The following ZNF507 variants were observed in gnomAD, a reference collection of about 807,000 sequenced individuals.
ZNF507 encodes zinc finger protein 507.
Under a neutral mutation model 80.0 loss-of-function variants are expected in ZNF507, and 29 were observed. That is an observed-to-expected ratio of 0.36 (90% CI 0.27 to 0.49). The LOEUF (loss-of-function observed/expected upper bound fraction) is 0.49. ZNF507 is among the 20% of genes least tolerant of loss of function. ZNF507 has a pLI of 0.98. For missense variants in ZNF507, 1,081 were observed against 1,152.2 expected, an observed-to-expected ratio of 0.94 and a Z score of 0.90; for synonymous variants, 462 against 422.5, an observed-to-expected ratio of 1.09 and a Z score of -1.15.
Position 32,356,688 on chromosome 19 carries a change from C to T in ZNF507, c.2200C>T (p.Pro734Ser). ...CTTGTCAATAGCAACTTCTAATGAGCCAAGAATTTCCAGTGATACAGCTGA... is the reference window on the plus strand; with the variant it reads ...CTTGTCAATAGCAACTTCTAATGAGTCAAGAATTTCCAGTGATACAGCTGA... ...DTLSIATSNE[P>S]RISSDTADGK... is the part of the protein sequence containing the mutation. The change falls in exon 4 of 7, where the codon CCA becomes TCA. Residue 734 changes from proline (P) to serine (S), a missense_variant. Transcript: ENST00000355898. 5 of 1,614,090 alleles carry T rather than the reference C, an allele frequency of 3.1e-6. No homozygotes were observed. Among genetic ancestry groups the T allele is most frequent in the Non-Finnish European group, 4.2e-6 (5 of 1,179,994 alleles).
chr19:32,382,272 T>G, intron 5 of ZNF507, 195 bp from the exon 6 acceptor site: 1 of 547,170 alleles, frequency 1.8e-6, no homozygotes, highest in Non-Finnish European at 3.1e-6. Context: ...CTTTCATTGA[T>G]TCTAGGACTT....
At chr19:32,382,100 C>A in intron 5 of ZNF507, 1 of 166,584 alleles carries the variant, frequency 6.0e-6, no homozygotes, top group Non-Finnish European at 1.3e-5. Flanking sequence ...TAGAGTGGTA[C>A]AAAGTATTAA....
chr19:32,358,768 C>T (rs1341930069), intron 4 of ZNF507: 2 of 152,202 alleles, frequency 1.3e-5, no homozygotes, highest in Non-Finnish European at 2.9e-5. Flanking sequence ...TTTACCCAGA[C>T]ATGCAGGTAA....
In ZNF507 at chr19:32,382,747, A is replaced by G. The variant is rs369511767; in HGVS notation, c.2526A>G (p.Gln842=). ...TGGGGAAATCCCCTGGAAAGACTCAATTAAAGAGCAGTGAAGAGAGTGCAG... is the reference window on the plus strand; with the variant it reads ...TGGGGAAATCCCCTGGAAAGACTCAGTTAAAGAGCAGTGAAGAGAGTGCAG... ...RVLGKSPGKT[Q]LKSSEESADP... is the part of the protein sequence containing the mutation. Residue 842 remains glutamine (Q), a synonymous_variant, in exon 7 of 7, where the codon CAA becomes CAG. Coordinates refer to ENST00000355898, the MANE Select transcript of ZNF507 (RefSeq NM_001136156.2). 24 of 1,613,534 alleles carry G rather than the reference A, an allele frequency of 1.5e-5. No homozygotes were observed. The African/African-American group carries it at 2.7e-4, about 18-fold the overall frequency.
intron 2 of ZNF507, among the ~76,000 whole-genome samples, chr19:32,348,339 C>T (rs1967121755): frequency 6.6e-6 from 1 of 151,054 alleles, no homozygotes; most frequent in African/African-American, 2.4e-5. Flanking sequence ...AAAACAAATT[C>T]TTGTTCTGAA....
At chr19:32,355,269 T>C (rs1176444021) in intron 3 of ZNF507, among the ~76,000 whole-genome samples, 1 of 152,024 alleles carries the variant, frequency 6.6e-6, no homozygotes. Flanking sequence ...GACATACGTT[T>C]GACTTAACGT....
chr19:32,373,102 A>G (rs1967496120), intron 5 of ZNF507, among the ~76,000 whole-genome samples: 1 of 152,204 alleles, frequency 6.6e-6, no homozygotes, highest in Non-Finnish European at 1.5e-5. Flanking sequence ...AACCTCTTTT[A>G]TAAGGGCATT....
At chr19:32,381,005 C>T (rs552264063) in intron 5 of ZNF507, among the ~76,000 whole-genome samples, 69 of 152,222 alleles carry the variant, frequency 4.5e-4, no homozygotes, top group African/African-American at 1.6e-3. Context: ...CTGGAAGCAA[C>T]CAAGATATTG....
chr19:32,360,383 A>G, intron 4 of ZNF507, 121 bp from the exon 5 acceptor site: 1 of 498,136 alleles, frequency 2.0e-6, no homozygotes, highest in Non-Finnish European at 3.4e-6. Context: ...ACAGTGAGAA[A>G]GCCGTGATTG....
rs1967224320 is a variant in ZNF507 at position 32,354,655 on chromosome 19, A to G, written c.1825A>G (p.Lys609Glu). The G allele has an allele frequency of 1.2e-6, 2 of 1,614,180 alleles. No individual in the cohort carries two copies. The highest frequency in any genetic ancestry group is 4.5e-5 in the East Asian group (2 of 44,874). ...DQNASDDDIL[K>E]ELQDNAQCQP... ...AAACGCTTCAGACGATGACATTTTG[A>G]AAGAGTTGCAGGACAACGCCCAGTG... The change falls in exon 3 of 7, where the codon AAA becomes GAA. Residue 609 changes from lysine (K) to glutamate (E), a missense_variant. Transcript: ENST00000355898.
chr19:32,377,382 C>T (rs553100062), intron 5 of ZNF507, among the ~76,000 whole-genome samples: 7 of 152,094 alleles, frequency 4.6e-5, no homozygotes, highest in South Asian at 4.1e-4. Context: ...GTGTCCCTTC[C>T]GCTCCTATCT....
At position 32,353,700 on chromosome 19, in the gene ZNF507, G is replaced by A; in HGVS notation, c.870G>A (p.Leu290=). Residue 290 remains leucine (L), a synonymous_variant, in exon 3 of 7, where the codon CTG becomes CTA. Coordinates refer to ENST00000355898, the MANE Select transcript of ZNF507 (RefSeq NM_001136156.2). ...AAAATGAAAATGAACCCCTAGGCCTGCTGGATTCTTCAGCAGCTGCTGCGC... is the reference window on the plus strand; with the variant it reads ...AAAATGAAAATGAACCCCTAGGCCTACTGGATTCTTCAGCAGCTGCTGCGC... ...IFENENEPLG[L]LDSSAAAAPG... The A allele has an allele frequency of 6.2e-7, 1 of 1,614,208 alleles. No homozygotes were observed. Among genetic ancestry groups the A allele is most frequent in the Non-Finnish European group, 8.5e-7 (1 of 1,180,048 alleles).
intron 5 of ZNF507, among the ~76,000 whole-genome samples, chr19:32,376,976 C>G (rs999670127): frequency 4.6e-5 from 7 of 152,138 alleles, no homozygotes; most frequent in Admixed American, 2.0e-4. Flanking sequence ...TTAGTACTTT[C>G]ACTAATTTTG....
At chr19:32,379,886 C>G (rs370227568) in intron 5 of ZNF507, among the ~76,000 whole-genome samples, 8 of 151,770 alleles carry the variant, frequency 5.3e-5, no homozygotes, top group African/African-American at 1.9e-4. Flanking sequence ...GGGTTGTATC[C>G]TTTTTTGGTG....
chr19:32,365,194 TTTTTTTCCTACTGATTTGTTTGAGTTCA>T (rs1262080530), intron 5 of ZNF507, among the ~76,000 whole-genome samples: 1 of 152,198 alleles, frequency 6.6e-6, no homozygotes. Context: ...GGATTGATTG[TTTTTTTCCTACTGATTTGTTTGAGTTCA>T]TTGTAGATTC....
At chr19:32,363,015 A>G (rs1480650313) in intron 5 of ZNF507, among the ~76,000 whole-genome samples, 1 of 152,150 alleles carries the variant, frequency 6.6e-6, no homozygotes, top group African/African-American at 2.4e-5. Flanking sequence ...AACATGTTCT[A>G]TTCCAGGATG....
intron 2 of ZNF507, among the ~76,000 whole-genome samples, chr19:32,351,483 C>T (rs1316819103): frequency 2.5e-5 from 1 of 40,338 alleles, no homozygotes; most frequent in African/African-American, 9.9e-5. Context: ...CGTGGGGGGG[C>T]GGGGCCTGTT....
At chr19:32,359,714 C>CT (rs1202449343) in intron 4 of ZNF507, 1 of 152,210 alleles carries the variant, frequency 6.6e-6, no homozygotes, top group African/African-American at 2.4e-5. Context: ...TTTCGGAGAG[C>CT]TGCATATTCA....
chr19:32,357,107 A>T (rs1462918463), intron 4 of ZNF507: 2 of 161,908 alleles, frequency 1.2e-5, no homozygotes, highest in Non-Finnish European at 2.7e-5. Flanking sequence ...TGCAGATGGT[A>T]GGCCCCCACC....
Sources: gnomAD v4.1 joint callset for allele counts (sites outside exome capture counted in the v4.1 genomes callset) on GRCh38, gnomAD v4.1.1 for gene constraint, MANE v1.5 for transcripts, NCBI Gene and HGNC (gene_info 2026-07-23, HGNC 2026-07-21) for gene names.